Variants in SPATA1 observed in about 807,000 individuals in gnomAD.
SPATA1 encodes the protein spermatogenesis associated 1.
A neutral mutation model predicts 59.6 loss-of-function variants in SPATA1; 57 were observed. The ratio of observed to expected loss-of-function variants is 0.96; its 90% CI spans 0.77 to 1.19. The LOEUF is 1.19. SPATA1 is among the 50% of genes most tolerant of loss of function. The probability of loss-of-function intolerance (pLI) is 0.00; values close to 1 mark genes in which losing one functional copy is unlikely to be tolerated. For synonymous variants in SPATA1, 147 were observed against 163.9 expected (o/e 0.90, Z 0.79); for missense variants, 448 against 480.7 (o/e 0.93, Z 0.64).
At chr1:84,560,097 A>AAAAAG (rs1553224318) in intron 4 of SPATA1, among the ~76,000 whole-genome samples, 11 of 114,712 alleles carry the variant, frequency 9.6e-5, no homozygotes, top group Non-Finnish European at 1.7e-4. Flanking sequence ...AAAAAAAAAA[A>AAAAAG]AAAGAAAGAA....
exon 13 of SPATA1, chr1:84,554,275 A>C (rs1180160950): frequency 6.6e-6 from 1 of 152,218 alleles, no homozygotes; most frequent in African/African-American, 2.4e-5. Flanking sequence ...AGTTATTCCT[A>C]TTATTAAAAA....
intron 4 of SPATA1, among the ~76,000 whole-genome samples, chr1:84,559,993 A>G (rs1684555703): frequency 6.6e-6 from 1 of 150,730 alleles, no homozygotes; most frequent in South Asian, 2.1e-4. Context: ...GCTGAGGAGT[A>G]GAATTGCTTG....
chr1:84,516,491 A>G, intron 2 of SPATA1, 96 bp downstream of exon 2: 1 of 712,428 alleles, frequency 1.4e-6, no homozygotes, highest in Non-Finnish European at 2.3e-6. Context: ...TATATAAAGT[A>G]TTAGATATTG....
downstream of SPATA1, among the ~76,000 whole-genome samples, chr1:84,556,827 T>C (rs986866415): frequency 6.6e-6 from 1 of 152,078 alleles, no homozygotes; most frequent in Non-Finnish European, 1.5e-5. Context: ...TCAGTCTGTA[T>C]CTTATATTCC....
chr1:84,531,700 A>G (rs984752789), intron 6 of SPATA1, among the ~76,000 whole-genome samples: 2 of 151,372 alleles, frequency 1.3e-5, no homozygotes, highest in East Asian at 1.9e-4. Context: ...TAGTCTCCCA[A>G]GTAGCTGGGA....
downstream of SPATA1, among the ~76,000 whole-genome samples, chr1:84,555,432 C>G (rs1157800304): frequency 6.6e-6 from 1 of 152,174 alleles, no homozygotes; most frequent in Non-Finnish European, 1.5e-5. Flanking sequence ...AATGGTTCAA[C>G]TTACAATTTT....
At chr1:84,553,931 T>G (rs1297388047) in exon 13 of SPATA1, 1 of 152,168 alleles carries the variant, frequency 6.6e-6, no homozygotes, top group Non-Finnish European at 1.5e-5. Flanking sequence ...AAAACTTATT[T>G]GTATAAAATT....
At chr1:84,563,249 A>C (rs766742824) in intron 4 of SPATA1, 2 of 1,453,362 alleles carry the variant, frequency 1.4e-6, no homozygotes, top group South Asian at 1.5e-5. Flanking sequence ...ACTTACGAAA[A>C]GTCTTACTTT....
intron 8 of SPATA1, among the ~76,000 whole-genome samples, chr1:84,542,630 G>T (rs1388555918): frequency 6.6e-6 from 1 of 152,068 alleles, no homozygotes; most frequent in Non-Finnish European, 1.5e-5. Context: ...CTGCTCAGAT[G>T]TGGGCTCCTG....
chr1:84,567,303 C>A (rs1570474299), downstream of SPATA1, among the ~76,000 whole-genome samples: 1 of 152,182 alleles, frequency 6.6e-6, no homozygotes, highest in South Asian at 2.1e-4. Context: ...TTATCACTGC[C>A]TCTTATTACA....
At chr1:84,532,350 G>T (rs1041932373) in intron 6 of SPATA1, among the ~76,000 whole-genome samples, 2 of 152,262 alleles carry the variant, frequency 1.3e-5, no homozygotes, top group Non-Finnish European at 2.9e-5. Flanking sequence ...ACAAAAATTC[G>T]CTGGGCGTGG....
Position 84,560,063 on chromosome 1 carries a change from G to A in SPATA1, n.442+4084G>A, listed in dbSNP as rs1187164088. On this transcript the variant is annotated intron_variant and non_coding_transcript_variant, in intron 4 of 4. Coordinates refer to the SPATA1 transcript ENST00000460286. ...GGCGCCACTGCACTACAGCCTGGGCGACAGAGCAAGACTCTGTCTCAAAAA... is the reference window on the plus strand; with the variant it reads ...GGCGCCACTGCACTACAGCCTGGGCAACAGAGCAAGACTCTGTCTCAAAAA... 1.4e-4 allele frequency among the ~76,000 whole-genome samples: 19 copies of A among 139,926 alleles called. No individual in the cohort carries two copies. The East Asian group carries it at 1.8e-3, about 13-fold the overall frequency. The allele number at this position is 139,926 out of a possible 152,430, so 91.8% of individuals were successfully genotyped here. A position where few individuals can be genotyped will look rare whatever the true frequency, so the allele number is the denominator to read the frequency against.
intron 6 of SPATA1, among the ~76,000 whole-genome samples, chr1:84,531,988 A>T (rs1485480222): frequency 1.3e-5 from 2 of 152,236 alleles, no homozygotes; most frequent in East Asian, 3.8e-4. Flanking sequence ...TCTTTTGTTT[A>T]TATAGACCAT....
Position 84,545,622 on chromosome 1 carries a change from T to C in SPATA1, c.821-12T>C, listed in dbSNP as rs1015266849. 2.0e-6 allele frequency: 3 copies of C among 1,501,814 alleles called. No homozygotes were observed. The highest frequency in any genetic ancestry group is 1.4e-5 in the African/African-American group (1 of 69,338). 93.0% of individuals were successfully genotyped at this position (1,501,814 alleles called of 1,614,324 possible). On this transcript the variant is annotated splice_polypyrimidine_tract_variant and intron_variant, in intron 9 of 12. Coordinates refer to ENST00000490879, the Ensembl canonical transcript of SPATA1. ...TTGAGACATTGATGAATATGAGTTA[T>C]AATCTCTTTAGGAGAGAAGATTATC...
intron 6 of SPATA1, 44 bp downstream of exon 6, chr1:84,526,117 T>C (rs1174304753): frequency 6.6e-7 from 1 of 1,507,994 alleles, no homozygotes; most frequent in African/African-American, 1.4e-5. Context: ...GCTATTATAG[T>C]ACATTTTAGC....
At chr1:84,559,643 G>A (rs780716130) in intron 4 of SPATA1, among the ~76,000 whole-genome samples, 3 of 151,932 alleles carry the variant, frequency 2.0e-5, no homozygotes, top group Non-Finnish European at 4.4e-5. Context: ...ACTTAATAAC[G>A]ATATTGAAAT....
chr1:84,511,136 TTAAAA>T (rs1450544781), intron 1 of SPATA1, among the ~76,000 whole-genome samples: 3 of 152,182 alleles, frequency 2.0e-5, no homozygotes, highest in African/African-American at 7.2e-5. Flanking sequence ...ATTATACATT[TTAAAA>T]TAAGAGTATA....
chr1:84,549,011 A>G (rs759748312), intron 11 of SPATA1, 47 bp downstream of exon 11: 2 of 1,473,896 alleles, frequency 1.4e-6, no homozygotes, highest in East Asian at 5.0e-5. Flanking sequence ...TCTGTTCAAA[A>G]CACATGCTTT....
exon 13 of SPATA1, chr1:84,553,475 T>C (rs1364381859): frequency 6.6e-6 from 1 of 152,312 alleles, no homozygotes; most frequent in African/African-American, 2.4e-5. Context: ...TATTAATGAA[T>C]ACTAATATAT....
Sources: allele counts gnomAD v4.1 joint callset (sites outside exome capture counted in the v4.1 genomes callset), GRCh38; gene constraint gnomAD v4.1.1; transcripts MANE v1.5; gene names NCBI Gene and HGNC (gene_info 2026-07-23, HGNC 2026-07-21).